The following BLTP1 variants were observed in gnomAD, a reference collection of about 807,000 sequenced individuals.
BLTP1 encodes fragile site-associated protein.
At chr4:122,218,558 A>G in the BLTP1 span, among the ~76,000 whole-genome samples, 1 of 152,222 alleles carries the variant, frequency 6.6e-6, no homozygotes, top group African/African-American at 2.4e-5. Flanking sequence ...GTCAATAACC[A>G]AAGTGCAGAA....
the BLTP1 span, chr4:122,336,731 A>G: frequency 7.8e-7 from 1 of 1,282,616 alleles, no homozygotes; most frequent in Non-Finnish European, 1.0e-6. Flanking sequence ...AGGTGCGAAC[A>G]GGGAAAAACG....
chr4:122,299,877 C>T, the BLTP1 span: 2 of 984,672 alleles, frequency 2.0e-6, no homozygotes, highest in Non-Finnish European at 2.4e-6. Context: ...AAAATGTAAT[C>T]TGTATGCTGT....
the BLTP1 span, among the ~76,000 whole-genome samples, chr4:122,279,475 T>C: frequency 6.6e-6 from 1 of 152,158 alleles, no homozygotes; most frequent in South Asian, 2.1e-4. Context: ...TTGATGCTTG[T>C]TCTTGCTTCA....
At chr4:122,202,442 A>G in the BLTP1 span, 1 of 179,640 alleles carries the variant, frequency 5.6e-6, no homozygotes, top group Non-Finnish European at 1.1e-5. Context: ...GATGAGGAAG[A>G]TGAGTTACAG....
At chr4:122,351,681 T>C in the BLTP1 span, among the ~76,000 whole-genome samples, 15 of 152,312 alleles carry the variant, frequency 9.8e-5, no homozygotes, top group African/African-American at 3.6e-4. Context: ...TACTTCTTTG[T>C]GGTGTCATTT....
the BLTP1 span, among the ~76,000 whole-genome samples, chr4:122,228,134 T>C: frequency 1.3e-5 from 2 of 152,116 alleles, no homozygotes; most frequent in African/African-American, 4.8e-5. Flanking sequence ...AGGATGGTCT[T>C]GATCTCCTGA....
At chr4:122,344,716 G>A in the BLTP1 span, 1 of 1,243,836 alleles carries the variant, frequency 8.0e-7, no homozygotes. Flanking sequence ...ACGGTACTGT[G>A]TCAATCCAAG....
chr4:122,209,904 A>G, the BLTP1 span: 3 of 1,613,496 alleles, frequency 1.9e-6, no homozygotes, highest in African/African-American at 2.7e-5. Context: ...CAAAAAGCAG[A>G]TGAACAGCTG....
At chr4:122,220,580 G>T in the BLTP1 span, 1 of 904,416 alleles carries the variant, frequency 1.1e-6, no homozygotes. Flanking sequence ...CTTTAAGTTG[G>T]AGACTTTTAA....
At chr4:122,224,303 G>GAA in the BLTP1 span, 1 of 290,376 alleles carries the variant, frequency 3.4e-6, no homozygotes, top group Admixed American at 6.5e-5. Context: ...GACTCTCATA[G>GAA]GTATTGTTCA....
chr4:122,354,471 T>C, the BLTP1 span, among the ~76,000 whole-genome samples: 1 of 42,254 alleles, frequency 2.4e-5, no homozygotes, highest in East Asian at 7.9e-4. Context: ...AAAGTGCTTT[T>C]GATAGTTTTT....
At chr4:122,209,175 T>C in the BLTP1 span, 1 of 1,606,192 alleles carries the variant, frequency 6.2e-7, no homozygotes. Flanking sequence ...GATGTTGATC[T>C]TCATTTGTTT....
At chr4:122,207,657 A>T in the BLTP1 span, 2 of 1,521,560 alleles carry the variant, frequency 1.3e-6, no homozygotes, top group Non-Finnish European at 9.1e-7. Flanking sequence ...AGTTGAATGC[A>T]TTATTTATTC....
At chr4:122,293,635 G>T in the BLTP1 span, among the ~76,000 whole-genome samples, 5 of 152,142 alleles carry the variant, frequency 3.3e-5, no homozygotes, top group African/African-American at 1.2e-4. Flanking sequence ...CAGGAGTTTT[G>T]CATACTCTGG....
the BLTP1 span, chr4:122,214,151 C>G: frequency 1.2e-6 from 1 of 860,542 alleles, no homozygotes; most frequent in Non-Finnish European, 1.4e-6. Context: ...CATCTTTTAG[C>G]CTATTGTTAT....
At chr4:122,243,982 CT>C in the BLTP1 span, 1 of 1,610,474 alleles carries the variant, frequency 6.2e-7, no homozygotes, top group Non-Finnish European at 8.5e-7. Context: ...GTAAAAGGAA[CT>C]GTTGATATTG....
the BLTP1 span, chr4:122,232,072 G>A: frequency 5.1e-6 from 5 of 985,416 alleles, no homozygotes; most frequent in Non-Finnish European, 6.0e-6. Flanking sequence ...ATGGAACTAA[G>A]GAGGTTACTT....
the BLTP1 span, chr4:122,344,765 A>T: frequency 3.1e-6 from 3 of 976,626 alleles, no homozygotes; most frequent in African/African-American, 5.3e-5. Context: ...ATAAATAGAC[A>T]TATCACCCAA....
chr4:122,187,963 A>G, the BLTP1 span: 1 of 1,596,378 alleles, frequency 6.3e-7, no homozygotes, highest in Non-Finnish European at 8.5e-7. Context: ...ATGCTTTCTT[A>G]ACTTATACTA....
Sources: gnomAD v4.1 joint callset for allele counts (sites outside exome capture counted in the v4.1 genomes callset) on GRCh38, gnomAD v4.1.1 for gene constraint, MANE v1.5 for transcripts, NCBI Gene and HGNC (gene_info 2026-07-23, HGNC 2026-07-21) for gene names.